The following GRID2 variants were observed in gnomAD, a reference collection of about 807,000 sequenced individuals.
GRID2 encodes glutamate receptor ionotropic, delta-2.
GRID2 carries 33 observed loss-of-function variants against 114.8 expected under a neutral mutation model. The ratio of observed to expected loss-of-function variants is 0.29; its 90% CI spans 0.22 to 0.38. GRID2 has a LOEUF of 0.38. GRID2 is among the 10% of genes least tolerant of loss of function. The pLI, the probability that GRID2 is intolerant of heterozygous loss-of-function variation, is 1.00. For synonymous variants in GRID2, 505 were observed against 449.9 expected (o/e 1.12, Z -1.55); for missense variants, 1,184 against 1,257.7 (o/e 0.94, Z 0.89).
chr4:92,571,146 T>C (rs570034926), intron 1 of GRID2, among the ~76,000 whole-genome samples: 1 of 152,204 alleles, frequency 6.6e-6, no homozygotes, highest in South Asian at 2.1e-4. Flanking sequence ...ATTGAGAGTT[T>C]TTAATATGAA....
chr4:93,806,230 G>A (rs915863644), intron 1 of GRID2, among the ~76,000 whole-genome samples: 1 of 152,198 alleles, frequency 6.6e-6, no homozygotes, highest in Non-Finnish European at 1.5e-5. Context: ...GTGTTTTTAA[G>A]TTTATGCATG....
At chr4:93,145,973 G>A (rs1274868902) in intron 4 of GRID2, among the ~76,000 whole-genome samples, 3 of 151,620 alleles carry the variant, frequency 2.0e-5, no homozygotes, top group Non-Finnish European at 4.4e-5. Context: ...TTCCCTCAAT[G>A]CTTAAAATAG....
intron 4 of GRID2, among the ~76,000 whole-genome samples, chr4:93,151,695 G>A (rs12651392): frequency 0.54 from 81,554 of 151,830 alleles, 23,263 homozygotes; most frequent in African/African-American, 0.7. Context: ...AATATAAAGG[G>A]ACATCTCACT....
chr4:93,805,494 T>C (rs1306514116), intron 1 of GRID2, among the ~76,000 whole-genome samples: 1 of 152,228 alleles, frequency 6.6e-6, no homozygotes, highest in African/African-American at 2.4e-5. Context: ...AACTGGTTGG[T>C]TGATTCAATT....
chr4:93,491,732 C>A (rs1727028278), intron 12 of GRID2, among the ~76,000 whole-genome samples: 1 of 151,758 alleles, frequency 6.6e-6, no homozygotes, highest in Admixed American at 6.6e-5. Context: ...AAAAGAAAAT[C>A]TGGGTAGTTA....
intron 1 of GRID2, among the ~76,000 whole-genome samples, chr4:92,321,229 G>A (rs185287967): frequency 6.6e-6 from 1 of 152,250 alleles, no homozygotes; most frequent in Admixed American, 6.5e-5. Flanking sequence ...ATCTTGTTGG[G>A]ACTTCGGGCC....
intron 1 of GRID2, among the ~76,000 whole-genome samples, chr4:93,786,996 CTG>C: frequency 6.6e-6 from 1 of 151,950 alleles, no homozygotes; most frequent in South Asian, 2.1e-4. Context: ...AGTGTGAAAA[CTG>C]TGCTTCATCT....
At position 93,664,524 on chromosome 4, in the gene GRID2, G is replaced by T. The variant is rs1156996091; in HGVS notation, c.2360+38089G>T. Reference sequence around the variant, plus strand: ...TAGCTGAGACAGAATTTGCTAACATGTTGGATGTGGAGTCTGAAAGAGAAG... The same window carrying T: ...TAGCTGAGACAGAATTTGCTAACATTTTGGATGTGGAGTCTGAAAGAGAAG... On this transcript the variant is annotated intron_variant, in intron 14 of 15. Transcript: ENST00000282020. Among the ~76,000 whole-genome samples, 7 of 152,292 alleles carry T rather than the reference G, an allele frequency of 4.6e-5. No homozygotes were observed. In the East Asian group the frequency reaches 1.4e-3, roughly 29 times the overall value.
chr4:92,392,249 G>A (rs961325823), intron 1 of GRID2, among the ~76,000 whole-genome samples: 1 of 152,040 alleles, frequency 6.6e-6, no homozygotes, highest in Admixed American at 6.6e-5. Flanking sequence ...AATTCAGTGT[G>A]CACCCCTTGA....
intron 13 of GRID2, among the ~76,000 whole-genome samples, chr4:93,591,238 C>G (rs1038546466): frequency 2.0e-5 from 3 of 151,476 alleles, no homozygotes; most frequent in Non-Finnish European, 4.4e-5. Context: ...CCATCAATAC[C>G]TAATTTATTG....
chr4:92,896,224 C>T (rs938649645), intron 2 of GRID2, among the ~76,000 whole-genome samples: 5 of 152,140 alleles, frequency 3.3e-5, no homozygotes, highest in African/African-American at 1.2e-4. Context: ...GAAGAGCCCC[C>T]AGGCAATATG....
chr4:93,675,071 G>A (rs115093197), intron 14 of GRID2, among the ~76,000 whole-genome samples: 4,666 of 152,138 alleles, frequency 0.031, 109 homozygotes, highest in African/African-American at 0.062. Flanking sequence ...TATATGTAAA[G>A]TATAACTAAC....
rs1491137154 is a variant in GRID2 at position 92,875,176 on chromosome 4, T to TTC, written c.245-209819_245-209818insTC. Among the ~76,000 whole-genome samples the TTC allele has an allele frequency of 1.2e-3, 138 of 115,830 alleles. 2 individuals carry two copies. Among genetic ancestry groups the TTC allele is most frequent in the Middle Eastern group, 4.0e-3 (1 of 250 alleles). 76.0% of individuals were successfully genotyped at this position (115,830 alleles called of 152,430 possible). ...TTTTTTTTTTTTTTTTTTTTTTTTTTCCCGAGACGGAGTCTCACACTGTTG... is the reference window on the plus strand; with the variant it reads ...TTTTTTTTTTTTTTTTTTTTTTTTTTTCCCCGAGACGGAGTCTCACACTGTTG... On this transcript the variant is annotated intron_variant, in intron 2 of 15. Transcript: ENST00000282020.
At chr4:93,495,549 T>C (rs535393159) in intron 12 of GRID2, among the ~76,000 whole-genome samples, 38 of 151,862 alleles carry the variant, frequency 2.5e-4, no homozygotes, top group African/African-American at 8.7e-4. Flanking sequence ...GTTAAGGAAT[T>C]TGGAATTTTT....
intron 1 of GRID2, among the ~76,000 whole-genome samples, chr4:92,443,575 G>C (rs1733251180): frequency 6.6e-6 from 1 of 152,146 alleles, no homozygotes; most frequent in African/African-American, 2.4e-5. Flanking sequence ...GGAAATAAGT[G>C]ATTGGGGCAC....
At chr4:92,638,361 A>G (rs896033778) in intron 2 of GRID2, among the ~76,000 whole-genome samples, 10 of 150,898 alleles carry the variant, frequency 6.6e-5, no homozygotes, top group African/African-American at 2.2e-4. Flanking sequence ...GGCTTACTGT[A>G]CAATCAGCAC....
chr4:93,679,771 T>G (rs1205315899), intron 14 of GRID2, among the ~76,000 whole-genome samples: 1 of 150,284 alleles, frequency 6.7e-6, no homozygotes, highest in East Asian at 1.9e-4. Context: ...GGGACACATT[T>G]AAAGCAGTGT....
chr4:92,869,972 C>T (rs1745153130), intron 2 of GRID2, among the ~76,000 whole-genome samples: 1 of 151,900 alleles, frequency 6.6e-6, no homozygotes, highest in Non-Finnish European at 1.5e-5. Flanking sequence ...GGCAGAACTA[C>T]ATGAGGCCAG....
intron 2 of GRID2, among the ~76,000 whole-genome samples, chr4:92,641,186 A>T (rs1025258037): frequency 8.6e-5 from 13 of 151,928 alleles, no homozygotes; most frequent in African/African-American, 3.1e-4. Flanking sequence ...GAATCTCTCA[A>T]TTTTAATGAC....
Sources: allele counts gnomAD v4.1 joint callset (sites outside exome capture counted in the v4.1 genomes callset), GRCh38; gene constraint gnomAD v4.1.1; transcripts MANE v1.5; gene names NCBI Gene and HGNC (gene_info 2026-07-23, HGNC 2026-07-21).